The following SLC2A13 variants were observed in gnomAD, a reference collection of about 807,000 sequenced individuals.
SLC2A13 encodes the protein solute carrier family 2 member 13.
Under a neutral mutation model 64.4 loss-of-function variants are expected in SLC2A13, and 32 were observed. That is an observed-to-expected ratio of 0.50 (90% CI 0.37 to 0.67). The LOEUF (loss-of-function observed/expected upper bound fraction) is 0.67. Among genes scored for constraint, SLC2A13 ranks in the 30% least tolerant of loss-of-function variants. The pLI, the probability that SLC2A13 is intolerant of heterozygous loss-of-function variation, is 0.00. For synonymous variants in SLC2A13, 338 were observed against 327.1 expected (o/e 1.03, Z -0.36); for missense variants, 743 against 829.2 (o/e 0.90, Z 1.28).
chr12:40,095,767 T>C (rs1938918711), intron 1 of SLC2A13, among the ~76,000 whole-genome samples: 1 of 152,198 alleles, frequency 6.6e-6, no homozygotes, highest in Admixed American at 6.5e-5. Context: ...TAATTCAAAA[T>C]AAACTTGTTG....
chr12:39,761,588 G>A (rs1003659318), intron 9 of SLC2A13, among the ~76,000 whole-genome samples: 3 of 150,478 alleles, frequency 2.0e-5, no homozygotes, highest in Non-Finnish European at 4.4e-5. Flanking sequence ...TACAAAAAGG[G>A]TGATACTGAT....
chr12:39,914,821 A>C (rs1249338529), intron 4 of SLC2A13, among the ~76,000 whole-genome samples: 1 of 151,994 alleles, frequency 6.6e-6, no homozygotes, highest in Non-Finnish European at 1.5e-5. Context: ...TAATACCTGA[A>C]TATATAAGAT....
intron 3 of SLC2A13, among the ~76,000 whole-genome samples, chr12:39,978,843 C>A (rs1946823505): frequency 6.6e-6 from 1 of 151,748 alleles, no homozygotes. Context: ...GGCCTGCCTG[C>A]CTCTGTAGGC....
intron 2 of SLC2A13, among the ~76,000 whole-genome samples, chr12:40,046,747 G>T (rs1398091713): frequency 6.7e-6 from 1 of 150,020 alleles, no homozygotes; most frequent in East Asian, 2.0e-4. Flanking sequence ...ACAAATGTAG[G>T]CCCTCATTAG....
chr12:40,087,025 T>C (rs1472945659), intron 1 of SLC2A13, among the ~76,000 whole-genome samples: 1 of 152,194 alleles, frequency 6.6e-6, no homozygotes, highest in Non-Finnish European at 1.5e-5. Flanking sequence ...GTGGACAAAA[T>C]GTACCCAGTC....
chr12:39,780,160 G>C (rs1940929588), intron 7 of SLC2A13, among the ~76,000 whole-genome samples: 1 of 152,150 alleles, frequency 6.6e-6, no homozygotes, highest in Non-Finnish European at 1.5e-5. Flanking sequence ...ATTTAAATCT[G>C]ATGACAATTC....
intron 1 of SLC2A13, among the ~76,000 whole-genome samples, chr12:40,096,396 T>C (rs1376282454): frequency 3.9e-5 from 6 of 152,034 alleles, no homozygotes; most frequent in Non-Finnish European, 7.4e-5. Context: ...TATTTTCTTT[T>C]AAGTAAATAA....
intron 7 of SLC2A13, among the ~76,000 whole-genome samples, chr12:39,818,689 A>C (rs4638371): frequency 0.72 from 109,678 of 152,000 alleles, 40,327 homozygotes; most frequent in African/African-American, 0.86. Context: ...GGTTTGGTAT[A>C]CTATCTTAGG....
At chr12:39,873,378 AGT>A (rs1944106060) in intron 4 of SLC2A13, among the ~76,000 whole-genome samples, 1 of 152,238 alleles carries the variant, frequency 6.6e-6, no homozygotes, top group South Asian at 2.1e-4. Context: ...CCATTTGTGC[AGT>A]GTTTTATAGT....
intron 3 of SLC2A13, among the ~76,000 whole-genome samples, chr12:39,956,326 A>G (rs764343320): frequency 7.0e-4 from 107 of 152,226 alleles, no homozygotes; most frequent in Non-Finnish European, 2.8e-4. Flanking sequence ...AAGGGGCACC[A>G]AGGGAAGTTC....
At chr12:39,980,861 C>T (rs1946879693) in intron 3 of SLC2A13, among the ~76,000 whole-genome samples, 1 of 151,980 alleles carries the variant, frequency 6.6e-6, no homozygotes, top group Admixed American at 6.5e-5. Flanking sequence ...CCCAAATCAA[C>T]AGAATATACA....
At chr12:39,767,577 C>T (rs1228325090) in intron 7 of SLC2A13, among the ~76,000 whole-genome samples, 1 of 152,040 alleles carries the variant, frequency 6.6e-6, no homozygotes, top group Non-Finnish European at 1.5e-5. Flanking sequence ...CTATGAGAGT[C>T]CTGGATGGTA....
intron 6 of SLC2A13, among the ~76,000 whole-genome samples, chr12:39,863,535 A>G (rs991851920): frequency 6.6e-5 from 10 of 152,178 alleles, no homozygotes; most frequent in African/African-American, 2.4e-4. Flanking sequence ...TTTTCAAAGT[A>G]ACTGTGTTAA....
chr12:40,034,274 A>C (rs1248591029), intron 2 of SLC2A13, among the ~76,000 whole-genome samples: 1 of 152,166 alleles, frequency 6.6e-6, no homozygotes, highest in Non-Finnish European at 1.5e-5. Flanking sequence ...TATCCTCCCA[A>C]CAGGCCATGA....
intron 2 of SLC2A13, among the ~76,000 whole-genome samples, chr12:40,036,760 T>G (rs1023897247): frequency 6.6e-6 from 1 of 152,176 alleles, no homozygotes; most frequent in Non-Finnish European, 1.5e-5. Flanking sequence ...CTAGGTCCTC[T>G]GATTTTCCAT....
rs188998179 is a variant in SLC2A13 at position 39,923,960 on chromosome 12, T to C, written c.1034+27297A>G. On this transcript the variant is annotated intron_variant, in intron 4 of 9. Transcript: ENST00000280871. ...AACATGCTACTGATTTTCATTCTTT[T>C]CACTAAAATAATAGTTCTATGTTTC... Among the ~76,000 whole-genome samples the C allele has an allele frequency of 8.5e-5, 13 of 152,190 alleles. No homozygotes were observed. In the East Asian group the frequency reaches 2.5e-3, roughly 29 times the overall value.
At chr12:40,104,240 C>T (rs1424507350) in intron 1 of SLC2A13, among the ~76,000 whole-genome samples, 9 of 152,168 alleles carry the variant, frequency 5.9e-5, no homozygotes, top group African/African-American at 9.7e-5. Flanking sequence ...AAAGCATCAG[C>T]GGTGTGTCTT....
At chr12:40,037,630 CAA>C (rs36117892) in intron 2 of SLC2A13, among the ~76,000 whole-genome samples, 67 of 73,984 alleles carry the variant, frequency 9.1e-4, no homozygotes, top group East Asian at 9.0e-3. Context: ...ACTCAGGTCT[CAA>C]AAAAAAAAAA....
Position 39,808,723 on chromosome 12 carries a change from T to C in SLC2A13, c.1445+21380A>G, listed in dbSNP as rs1324697776. Among the ~76,000 whole-genome samples the C allele has an allele frequency of 2.0e-5, 3 of 152,198 alleles. No individual in the cohort carries two copies. In the East Asian group the frequency reaches 5.8e-4, roughly 29 times the overall value. ...TATGTGCTTATTTGCCATCTTTTTA[T>C]AGTCTTTTGTGACTTGTCTGTTCAA... On this transcript the variant is annotated intron_variant, in intron 7 of 9. Coordinates refer to ENST00000280871, the MANE Select transcript of SLC2A13 (RefSeq NM_052885.4).
Sources: gnomAD v4.1 joint callset for allele counts (sites outside exome capture counted in the v4.1 genomes callset) on GRCh38, gnomAD v4.1.1 for gene constraint, MANE v1.5 for transcripts, NCBI Gene and HGNC (gene_info 2026-07-23, HGNC 2026-07-21) for gene names.